CSPP1: variants seen among roughly 807,000 people sequenced by gnomAD.
The protein encoded by CSPP1 is centrosome and spindle pole-associated protein 1.
CSPP1 carries 126 observed loss-of-function variants against 164.4 expected under a neutral mutation model. That is an observed-to-expected ratio of 0.77 (90% CI 0.66 to 0.89). The LOEUF is 0.89. CSPP1 is among the 40% of genes least tolerant of loss of function. The pLI, the probability that CSPP1 is intolerant of heterozygous loss-of-function variation, is 0.00. For missense variants in CSPP1, 1,395 were observed against 1,449.8 expected (o/e 0.96, Z 0.61); for synonymous variants, 472 against 476.7 (o/e 0.99, Z 0.13).
At chr8:67,193,031 G>C (rs1364828959) in intron 29 of CSPP1, among the ~76,000 whole-genome samples, 1 of 152,184 alleles carries the variant, frequency 6.6e-6, no homozygotes, top group Non-Finnish European at 1.5e-5. Flanking sequence ...GATAAGCATA[G>C]GAGCCATAAT....
At chr8:67,068,421 A>G (rs565162397) in intron 1 of CSPP1, among the ~76,000 whole-genome samples, 1 of 152,348 alleles carries the variant, frequency 6.6e-6, no homozygotes, top group East Asian at 1.9e-4. Flanking sequence ...ATACTTGGCC[A>G]TGATGTCTTG....
intron 21 of CSPP1, among the ~76,000 whole-genome samples, chr8:67,159,506 A>ATTT (rs1554604753): frequency 2.9e-5 from 2 of 68,894 alleles, no homozygotes; most frequent in African/African-American, 5.0e-5. Flanking sequence ...ATATATATGT[A>ATTT]TTCTTTTTTT....
intron 24 of CSPP1, among the ~76,000 whole-genome samples, chr8:67,169,735 C>T (rs183435476): frequency 1.8e-3 from 280 of 151,976 alleles, no homozygotes; most frequent in Admixed American, 2.7e-3. Flanking sequence ...CCACCGTGCC[C>T]GGCCAGTACC....
intron 19 of CSPP1, among the ~76,000 whole-genome samples, chr8:67,155,018 A>G (rs1301960357): frequency 1.3e-5 from 2 of 152,226 alleles, no homozygotes; most frequent in African/African-American, 4.8e-5. Context: ...CCATTTATGT[A>G]CATAAGTAAA....
intron 30 of CSPP1, among the ~76,000 whole-genome samples, 156 bp from the exon 31 acceptor site, chr8:67,195,226 G>GGGTGA: frequency 6.6e-6 from 1 of 151,994 alleles, no homozygotes; most frequent in South Asian, 2.1e-4. Flanking sequence ...GGGTGGGGTG[G>GGGTGA]GGTGAGTCTA....
Position 67,177,741 on chromosome 8 carries a change from A to T in CSPP1, c.3156+15A>T. The T allele has an allele frequency of 3.1e-6, 5 of 1,600,288 alleles. No individual in the cohort carries two copies. The highest frequency in any genetic ancestry group is 4.3e-6 in the Non-Finnish European group (5 of 1,167,908). ...AGCAAAGAATGGTAAGCAACCAGTTACAATTTTTCAAGTTAGTTTTTGGGG... is the reference window on the plus strand; with the variant it reads ...AGCAAAGAATGGTAAGCAACCAGTTTCAATTTTTCAAGTTAGTTTTTGGGG... On this transcript the variant is annotated intron_variant, in intron 27 of 30. Coordinates refer to ENST00000678616, the MANE Select transcript of CSPP1 (RefSeq NM_001382391.1).
Position 67,103,102 on chromosome 8 carries a change from C to T in CSPP1, c.989C>T (p.Ser330Leu), listed in dbSNP as rs754454865. Residue 330 changes from serine (S) to leucine (L), a missense_variant, in exon 8 of 31, where the codon TCA (serine) becomes TTA (leucine). Ser to Leu is a moderately radical substitution (Grantham distance 145). Transcript: ENST00000678616. Reference sequence around the variant, plus strand: ...CATGATGGGGATGTTATAGAACAGTCAAACATAAGAATTTCATCTGCTGAA... The same window carrying T: ...CATGATGGGGATGTTATAGAACAGTTAAACATAAGAATTTCATCTGCTGAA... Reference protein sequence around the residue: ...MEHDGDVIEQSNIRISSAENK... With the variant: ...MEHDGDVIEQLNIRISSAENK... The T allele has an allele frequency of 2.5e-6, 4 of 1,607,846 alleles. No individual in the cohort carries two copies. The East Asian group carries it at 6.7e-5, about 27-fold the overall frequency.
intron 13 of CSPP1, among the ~76,000 whole-genome samples, chr8:67,117,889 A>T (rs183934340): frequency 6.6e-6 from 1 of 152,200 alleles, no homozygotes; most frequent in East Asian, 1.9e-4. Context: ...TTGTACTATT[A>T]TTAATTATTT....
At chr8:67,077,190 G>C (rs1808116647) in intron 3 of CSPP1, among the ~76,000 whole-genome samples, 1 of 151,698 alleles carries the variant, frequency 6.6e-6, no homozygotes, top group Non-Finnish European at 1.5e-5. Context: ...CTCTCTCTCT[G>C]TCACTCAGGC....
intron 17 of CSPP1, among the ~76,000 whole-genome samples, chr8:67,145,140 C>T (rs1329950361): frequency 6.6e-6 from 1 of 151,288 alleles, no homozygotes; most frequent in Non-Finnish European, 1.5e-5. Flanking sequence ...TATGACTTCA[C>T]TTTATTTAAT....
At chr8:67,072,997 G>C (rs890281395) in intron 1 of CSPP1, among the ~76,000 whole-genome samples, 3 of 151,618 alleles carry the variant, frequency 2.0e-5, no homozygotes, top group Admixed American at 1.3e-4. Flanking sequence ...CAACATCATA[G>C]TTATCAGAGA....
intron 22 of CSPP1, among the ~76,000 whole-genome samples, 163 bp downstream of exon 22, chr8:67,162,078 A>G (rs1828472165): frequency 6.6e-6 from 1 of 152,176 alleles, no homozygotes; most frequent in South Asian, 2.1e-4. Context: ...ATTGTAACTG[A>G]TAGTGCTTGG....
intron 3 of CSPP1, among the ~76,000 whole-genome samples, chr8:67,077,917 C>G (rs1808300791): frequency 6.6e-6 from 1 of 152,118 alleles, no homozygotes; most frequent in Non-Finnish European, 1.5e-5. Context: ...TAACTCTTTC[C>G]ATTTTGAATC....
At chr8:67,145,967 A>G (rs921415679) in intron 17 of CSPP1, among the ~76,000 whole-genome samples, 5 of 151,872 alleles carry the variant, frequency 3.3e-5, no homozygotes, top group Admixed American at 3.3e-4. Context: ...TTTAATTTTC[A>G]TTCAGTTTTC....
At chr8:67,168,954 G>A (rs1830000016) in intron 24 of CSPP1, among the ~76,000 whole-genome samples, 1 of 152,168 alleles carries the variant, frequency 6.6e-6, no homozygotes, top group South Asian at 2.1e-4. Context: ...TTCACCTTAA[G>A]TATTAGAGGT....
intron 28 of CSPP1, among the ~76,000 whole-genome samples, chr8:67,180,240 C>T (rs565981409): frequency 2.0e-5 from 3 of 152,268 alleles, no homozygotes; most frequent in East Asian, 1.9e-4. Flanking sequence ...CTGGTACATC[C>T]ATGCCATGGA....
At chr8:67,193,045 C>T (rs977268004) in intron 29 of CSPP1, among the ~76,000 whole-genome samples, 3 of 152,178 alleles carry the variant, frequency 2.0e-5, no homozygotes, top group East Asian at 1.9e-4. Context: ...CCATAATATA[C>T]GTGCTCTATA....
intron 1 of CSPP1, among the ~76,000 whole-genome samples, chr8:67,073,276 C>G (rs1419038245): frequency 2.0e-5 from 3 of 152,156 alleles, no homozygotes; most frequent in African/African-American, 7.2e-5. Flanking sequence ...TATCACGTGC[C>G]TTCTCTTTGT....
At chr8:67,173,494 G>A (rs537657485) in intron 25 of CSPP1, 1 of 152,158 alleles carries the variant, frequency 6.6e-6, no homozygotes, top group South Asian at 2.1e-4. Flanking sequence ...CCAGAAAACT[G>A]GAATTTAGGC....
Sources: gnomAD v4.1 joint callset for allele counts (sites outside exome capture counted in the v4.1 genomes callset) on GRCh38, gnomAD v4.1.1 for gene constraint, MANE v1.5 for transcripts, NCBI Gene and HGNC (gene_info 2026-07-23, HGNC 2026-07-21) for gene names.